The following SORT1 variants were observed in gnomAD, a reference collection of about 807,000 sequenced individuals.
The protein encoded by SORT1 is sortilin.
SORT1 carries 39 observed loss-of-function variants against 101.7 expected under a neutral mutation model. That is an observed-to-expected ratio of 0.38 (90% CI 0.30 to 0.50). The LOEUF is 0.50. Among genes scored for constraint, SORT1 ranks in the 20% least tolerant of loss-of-function variants. The pLI, the probability that SORT1 is intolerant of heterozygous loss-of-function variation, is 0.90. For synonymous variants in SORT1, 396 were observed against 393.7 expected (o/e 1.01, Z -0.07); for missense variants, 878 against 1,040.4 (o/e 0.84, Z 2.15).
chr1:109,335,084 A>T (rs527546361), intron 11 of SORT1, among the ~76,000 whole-genome samples: 80 of 152,288 alleles, frequency 5.3e-4, no homozygotes, highest in South Asian at 2.1e-4. Flanking sequence ...AGACAGGCCC[A>T]ACTTCCTCCA....
intron 17 of SORT1, 57 bp downstream of exon 17, chr1:109,316,793 T>C (rs1647245649): frequency 8.8e-7 from 1 of 1,131,524 alleles, no homozygotes; most frequent in African/African-American, 1.6e-5. Context: ...CTTTGATTTT[T>C]CTTAGCAGAA....
chr1:109,336,140 G>C, intron 11 of SORT1, 100 bp downstream of exon 11: 1 of 711,202 alleles, frequency 1.4e-6, no homozygotes, highest in Non-Finnish European at 2.5e-6. Flanking sequence ...TTATGCTGAG[G>C]ACCCTAATCA....
intron 3 of SORT1, among the ~76,000 whole-genome samples, chr1:109,365,930 A>G (rs1289785682): frequency 6.6e-6 from 1 of 152,214 alleles, no homozygotes; most frequent in East Asian, 1.9e-4. Flanking sequence ...GAGCTTGAAC[A>G]TGGGTTCACT....
chr1:109,352,356 G>C (rs1650025913), intron 5 of SORT1, among the ~76,000 whole-genome samples: 1 of 152,130 alleles, frequency 6.6e-6, no homozygotes, highest in South Asian at 2.1e-4. Context: ...GCTGAAAGGA[G>C]GTTAAGGAAG....
intron 15 of SORT1, 56 bp downstream of exon 15, chr1:109,322,876 C>A: frequency 6.9e-7 from 1 of 1,440,612 alleles, no homozygotes; most frequent in Non-Finnish European, 9.6e-7. Flanking sequence ...AGAAAACTGT[C>A]TTTCACCTCC....
At position 109,352,884 on chromosome 1, in the gene SORT1, A is replaced by C. The variant is rs74944308; in HGVS notation, c.708+1483T>G. On this transcript the variant is annotated intron_variant, in intron 5 of 19. Transcript: ENST00000256637. ...TTGGTAAGGAAGATGCAGTAGTCAAAGGGGAGCTCTATGGGTCTGTTCACT... is the reference window on the plus strand; with the variant it reads ...TTGGTAAGGAAGATGCAGTAGTCAACGGGGAGCTCTATGGGTCTGTTCACT... Among the ~76,000 whole-genome samples, 533 of 152,320 alleles carry C rather than the reference A, an allele frequency of 3.5e-3. 1 individual carries two copies. Among genetic ancestry groups the C allele is most frequent in the African/African-American group, 0.012 (499 of 41,566 alleles).
chr1:109,351,477 G>A (rs1649956064), intron 5 of SORT1, among the ~76,000 whole-genome samples: 1 of 152,260 alleles, frequency 6.6e-6, no homozygotes, highest in Non-Finnish European at 1.5e-5. Context: ...CAAACAGGGA[G>A]ATGAGGTGTT....
chr1:109,380,299 T>G (rs1652138676), intron 1 of SORT1, among the ~76,000 whole-genome samples: 1 of 151,954 alleles, frequency 6.6e-6, no homozygotes, highest in Non-Finnish European at 1.5e-5. Context: ...TGTCAAAAAA[T>G]GATACTAGAA....
At chr1:109,315,701 G>C (rs1658989557) in intron 17 of SORT1, among the ~76,000 whole-genome samples, 5 of 149,214 alleles carry the variant, frequency 3.4e-5, no homozygotes, top group Admixed American at 3.3e-4. Context: ...CACATCTCCA[G>C]TTCCACAGGT....
In SORT1 at chr1:109,336,093, A is replaced by G. The variant is rs190154693; in HGVS notation, c.1371+147T>C. 125 of 594,946 alleles carry G rather than the reference A, an allele frequency of 2.1e-4. No homozygotes were observed. The East Asian group carries it at 3.5e-3, about 17-fold the overall frequency. The allele number at this position is 594,946 out of a possible 1,614,324, so 36.9% of individuals were successfully genotyped here. A position where few individuals can be genotyped will look rare whatever the true frequency, so the allele number is the denominator to read the frequency against. ...CTCAGTTCTTACTTCCGAAATTCTA[A>G]GTTAATTTCATTACTCTCATCTCCA... On this transcript the variant is annotated intron_variant, in intron 11 of 19. Transcript: ENST00000256637.
chr1:109,329,357 C>T (rs915919854), intron 11 of SORT1, among the ~76,000 whole-genome samples: 3 of 151,972 alleles, frequency 2.0e-5, no homozygotes, highest in South Asian at 4.2e-4. Flanking sequence ...GGGTTCATGC[C>T]ATTCTCCTGC....
chr1:109,386,051 C>G (rs922359896), intron 1 of SORT1, among the ~76,000 whole-genome samples: 9 of 152,134 alleles, frequency 5.9e-5, no homozygotes, highest in African/African-American at 2.2e-4. Flanking sequence ...CTTTACTAAG[C>G]ACTTATTATA....
intron 7 of SORT1, among the ~76,000 whole-genome samples, chr1:109,346,118 T>C (rs1480637498): frequency 6.6e-6 from 1 of 151,698 alleles, no homozygotes; most frequent in Non-Finnish European, 1.5e-5. Context: ...GAGACCAAAC[T>C]GGCTAACACC....
intron 3 of SORT1, among the ~76,000 whole-genome samples, chr1:109,362,202 A>G (rs1316340660): frequency 6.6e-6 from 1 of 152,228 alleles, no homozygotes; most frequent in East Asian, 1.9e-4. Context: ...AAACACACAT[A>G]AAACAAAGTT....
chr1:109,334,676 C>T (rs1648689565), intron 11 of SORT1, among the ~76,000 whole-genome samples: 1 of 152,184 alleles, frequency 6.6e-6, no homozygotes, highest in Non-Finnish European at 1.5e-5. Flanking sequence ...TAAATGTTCT[C>T]ACCACACACA....
chr1:109,384,628 G>A (rs1012177504), intron 1 of SORT1, among the ~76,000 whole-genome samples: 3 of 152,156 alleles, frequency 2.0e-5, no homozygotes, highest in Admixed American at 6.5e-5. Context: ...ATTTTCAGTT[G>A]CTATAAGAGA....
chr1:109,381,947 TA>T (rs1424766853), intron 1 of SORT1, among the ~76,000 whole-genome samples: 1 of 151,930 alleles, frequency 6.6e-6, no homozygotes, highest in African/African-American at 2.4e-5. Flanking sequence ...ATAGAATTGA[TA>T]GGGGTGCACT....
intron 10 of SORT1, among the ~76,000 whole-genome samples, chr1:109,337,156 C>T (rs1648888102): frequency 6.6e-6 from 1 of 152,220 alleles, no homozygotes; most frequent in Non-Finnish European, 1.5e-5. Context: ...TTTTTTCCCT[C>T]GTCTCTTCCC....
chr1:109,379,092 G>A (rs1037914423), intron 1 of SORT1, among the ~76,000 whole-genome samples: 9 of 151,554 alleles, frequency 5.9e-5, no homozygotes, highest in Non-Finnish European at 7.4e-5. Flanking sequence ...GCAGTGAGCC[G>A]AGACTGCGCC....
Sources: allele counts gnomAD v4.1 joint callset (sites outside exome capture counted in the v4.1 genomes callset), GRCh38; gene constraint gnomAD v4.1.1; transcripts MANE v1.5; gene names NCBI Gene and HGNC (gene_info 2026-07-23, HGNC 2026-07-21).